The following ANKS1B variants were observed in gnomAD, a reference collection of about 807,000 sequenced individuals.
ANKS1B encodes ankyrin repeat and sterile alpha motif domain-containing protein 1B.
In ANKS1B, 36 loss-of-function variants were observed where a neutral mutation model predicts 148.3. The observed-to-expected ratio is 0.24, with a 90% CI of 0.19 to 0.32. The LOEUF (loss-of-function observed/expected upper bound fraction) is 0.32, where lower values mean the gene tolerates loss of function less well. Ranked by LOEUF, ANKS1B falls within the 10% of genes least tolerant of loss-of-function variation. The pLI is 1.00. For synonymous variants in ANKS1B, 542 were observed against 560.8 expected (o/e 0.97, Z 0.47); for missense variants, 1,157 against 1,542.6 (o/e 0.75, Z 4.19).
chr12:99,326,927 A>G (rs2086416250), intron 12 of ANKS1B, among the ~76,000 whole-genome samples: 1 of 147,584 alleles, frequency 6.8e-6, no homozygotes, highest in Non-Finnish European at 1.5e-5. Flanking sequence ...TATAAAATAT[A>G]AAGTTCACAA....
At chr12:99,843,374 C>G (rs1467640094) in intron 1 of ANKS1B, among the ~76,000 whole-genome samples, 1 of 151,960 alleles carries the variant, frequency 6.6e-6, no homozygotes, top group African/African-American at 2.4e-5. Context: ...AGCCCAGCAT[C>G]CATTAGCTAT....
At chr12:99,364,743 T>C (rs1192095583) in intron 12 of ANKS1B, among the ~76,000 whole-genome samples, 1 of 152,232 alleles carries the variant, frequency 6.6e-6, no homozygotes, top group Non-Finnish European at 1.5e-5. Flanking sequence ...CATAAACTTA[T>C]CTTCCAACCA....
intron 11 of ANKS1B, among the ~76,000 whole-genome samples, chr12:99,420,404 T>G (rs1439442590): frequency 1.3e-5 from 2 of 152,214 alleles, no homozygotes; most frequent in East Asian, 3.8e-4. Context: ...TAAGTACTTC[T>G]GTGAATAAAT....
At position 99,399,768 on chromosome 12, in the gene ANKS1B, C is replaced by T. The variant is rs778044550; in HGVS notation, c.1619G>A (p.Arg540Gln). Residue 540 changes from arginine (R) to glutamine (Q), a missense_variant, in exon 12 of 27, where the codon CGA becomes CAA. Arg to Gln is a conservative substitution (Grantham distance 43). Coordinates refer to ENST00000683438, the MANE Select transcript of ANKS1B (RefSeq NM_001352186.2). The part of the protein sequence containing the change: ...TSIVSSLDFH[R>Q]MNHNQEYFEI... ...AAAATATTCTTGGTTGTGATTCATT[C>T]GGTGAAAATCCAGAGAAGACACAAT... is the stretch of plus-strand genomic sequence containing the variant. 2.7e-5 allele frequency: 43 copies of T among 1,613,354 alleles called. No individual in the cohort carries two copies. The highest frequency in any genetic ancestry group is 3.0e-5 in the Non-Finnish European group (35 of 1,179,460).
intron 12 of ANKS1B, among the ~76,000 whole-genome samples, chr12:99,253,682 G>A (rs927761066): frequency 1.2e-4 from 19 of 152,078 alleles, no homozygotes; most frequent in African/African-American, 4.6e-4. Flanking sequence ...AGTTTGACTA[G>A]GAATGGGAAT....
In ANKS1B at chr12:99,779,822, T is replaced by C. The variant is rs780700716; in HGVS notation, c.847+49A>G. 9 of 1,379,202 alleles carry C rather than the reference T, an allele frequency of 6.5e-6. 1 individual carries two copies. The highest frequency in any genetic ancestry group is 2.4e-5 in the South Asian group (2 of 84,850). The allele number at this position is 1,379,202 out of a possible 1,614,324, so 85.4% of individuals were successfully genotyped here. A position where few individuals can be genotyped will look rare whatever the true frequency, so the allele number is the denominator to read the frequency against. On this transcript the variant is annotated intron_variant, in intron 6 of 26. Transcript: ENST00000683438. ...CAAAAGAAAACTGTAACAGTTTTAA[T>C]CTCATCTTAACTTTAAGGCAAACTC...
At chr12:99,335,067 T>C (rs1603088839) in intron 12 of ANKS1B, among the ~76,000 whole-genome samples, 1 of 152,144 alleles carries the variant, frequency 6.6e-6, no homozygotes, top group Non-Finnish European at 1.5e-5. Context: ...TGTAAACTCA[T>C]AGAGCAGATG....
At chr12:98,980,860 T>G (rs2099909112) in intron 17 of ANKS1B, among the ~76,000 whole-genome samples, 1 of 152,192 alleles carries the variant, frequency 6.6e-6, no homozygotes, top group South Asian at 2.1e-4. Flanking sequence ...CCCTTCCCTC[T>G]GCTTATGGAC....
intron 10 of ANKS1B, among the ~76,000 whole-genome samples, chr12:99,456,328 G>GA (rs112097955): frequency 6.6e-6 from 1 of 151,630 alleles, no homozygotes; most frequent in Non-Finnish European, 1.5e-5. Flanking sequence ...GAAGGAACCA[G>GA]AAAAAAACAA....
chr12:99,191,991 G>A (rs1381391473), intron 14 of ANKS1B, among the ~76,000 whole-genome samples: 1 of 151,832 alleles, frequency 6.6e-6, no homozygotes, highest in Non-Finnish European at 1.5e-5. Flanking sequence ...AATTAGCTGG[G>A]CGTGGTGGCA....
At chr12:99,702,553 T>C (rs2055012667) in intron 8 of ANKS1B, among the ~76,000 whole-genome samples, 1 of 152,060 alleles carries the variant, frequency 6.6e-6, no homozygotes, top group Admixed American at 6.6e-5. Context: ...ATTGCCTTTT[T>C]TTTATTTGAG....
intron 12 of ANKS1B, among the ~76,000 whole-genome samples, chr12:99,270,024 T>C (rs2076872541): frequency 6.6e-6 from 1 of 152,182 alleles, no homozygotes. Flanking sequence ...TCAAAAAAGA[T>C]AGCAACAATA....
intron 8 of ANKS1B, among the ~76,000 whole-genome samples, chr12:99,765,289 A>C (rs1359424738): frequency 6.6e-6 from 1 of 152,208 alleles, no homozygotes; most frequent in Admixed American, 6.5e-5. Context: ...TTTAGTACTT[A>C]ATAAATGCTA....
At chr12:99,834,657 T>C (rs1257309932) in intron 1 of ANKS1B, among the ~76,000 whole-genome samples, 1 of 152,202 alleles carries the variant, frequency 6.6e-6, no homozygotes, top group East Asian at 1.9e-4. Flanking sequence ...CTTAGGCCAA[T>C]ATCCATATGT....
intron 11 of ANKS1B, among the ~76,000 whole-genome samples, chr12:99,430,194 TTAGAAG>T (rs1435857554): frequency 2.6e-5 from 4 of 152,016 alleles, no homozygotes; most frequent in South Asian, 2.1e-4. Flanking sequence ...AGAAGATAAA[TTAGAAG>T]TAGAAGAGAT....
chr12:98,752,384 G>A (rs1056875672), intron 25 of ANKS1B, among the ~76,000 whole-genome samples: 1 of 151,712 alleles, frequency 6.6e-6, no homozygotes, highest in Admixed American at 6.6e-5. Context: ...TCAGCCTCCC[G>A]AGTAGCTGGG....
intron 17 of ANKS1B, among the ~76,000 whole-genome samples, chr12:98,876,271 T>G (rs1305209038): frequency 6.6e-6 from 1 of 152,020 alleles, no homozygotes; most frequent in East Asian, 2.0e-4. Context: ...CCGTGCTGTT[T>G]CCTGTAACTG....
At chr12:99,614,990 AC>A (rs1194806255) in intron 9 of ANKS1B, among the ~76,000 whole-genome samples, 1 of 150,874 alleles carries the variant, frequency 6.6e-6, no homozygotes, top group East Asian at 1.9e-4. Context: ...GAGAACTTGC[AC>A]CCCCACCTTG....
intron 15 of ANKS1B, among the ~76,000 whole-genome samples, chr12:99,094,430 T>G (rs2153656331): frequency 6.6e-6 from 1 of 152,282 alleles, no homozygotes. Context: ...ATAATTAGTC[T>G]AAGGTCACAC....
Sources: gnomAD v4.1 joint callset for allele counts (sites outside exome capture counted in the v4.1 genomes callset) on GRCh38, gnomAD v4.1.1 for gene constraint, MANE v1.5 for transcripts, NCBI Gene and HGNC (gene_info 2026-07-23, HGNC 2026-07-21) for gene names.